The following ZNF438 variants were observed in gnomAD, a reference collection of about 807,000 sequenced individuals.
ZNF438 encodes the protein zinc finger protein 438.
In ZNF438, 25 loss-of-function variants were observed where a neutral mutation model predicts 38.0. The observed-to-expected ratio is 0.66, with a 90% CI of 0.48 to 0.92. ZNF438 has a LOEUF of 0.92. Among genes scored for constraint, ZNF438 ranks in the 40% least tolerant of loss-of-function variants. The probability of loss-of-function intolerance (pLI) is 0.00; values close to 1 mark genes in which losing one functional copy is unlikely to be tolerated. For missense variants in ZNF438, 1,007 were observed against 999.6 expected (o/e 1.01, Z -0.10); for synonymous variants, 372 against 364.1 (o/e 1.02, Z -0.25).
chr10:30,875,688 G>A (rs2038304396), intron 4 of ZNF438, among the ~76,000 whole-genome samples: 1 of 152,164 alleles, frequency 6.6e-6, no homozygotes, highest in South Asian at 2.1e-4. Context: ...TTCCCGGCTG[G>A]ATTTTGTGTG....
Position 30,886,760 on chromosome 10 carries a change from T to C in ZNF438, c.-31-9695A>G, listed in dbSNP as rs147064473. ...ATTGTAAAGTTGAAAAATCTTGAGTTGAACTAAGGTACATCAGGGACTGTT... is the reference window on the plus strand; with the variant it reads ...ATTGTAAAGTTGAAAAATCTTGAGTCGAACTAAGGTACATCAGGGACTGTT... On this transcript the variant is annotated intron_variant, in intron 3 of 5. Coordinates refer to ENST00000413025, the Ensembl canonical transcript of ZNF438. Among the ~76,000 whole-genome samples the C allele has an allele frequency of 4.5e-3, 690 of 152,346 alleles. 6 individuals carry two copies. The highest frequency in any genetic ancestry group is 0.016 in the African/African-American group (669 of 41,582).
At chr10:30,848,617 A>C in exon 5 of ZNF438, 1 of 1,614,212 alleles carries the variant, frequency 6.2e-7, no homozygotes, top group Non-Finnish European at 8.5e-7. Flanking sequence ...GCGCAGGCTC[A>C]GTGCTGATCA....
chr10:30,958,097 G>C (rs2049067685), intron 1 of ZNF438, among the ~76,000 whole-genome samples: 1 of 146,432 alleles, frequency 6.8e-6, no homozygotes, highest in East Asian at 1.9e-4. Context: ...CCATTTTTGG[G>C]ACTGAGTCAT....
At chr10:31,003,464 T>C (rs1260483609) in intron 1 of ZNF438, among the ~76,000 whole-genome samples, 1 of 152,168 alleles carries the variant, frequency 6.6e-6, no homozygotes, top group South Asian at 2.1e-4. Context: ...AGTTCTGGCT[T>C]GGAGGAACCC....
At chr10:30,916,457 T>C (rs2043646893) in intron 2 of ZNF438, among the ~76,000 whole-genome samples, 1 of 152,014 alleles carries the variant, frequency 6.6e-6, no homozygotes, top group Admixed American at 6.6e-5. Context: ...AACTTTGAAG[T>C]CCCCTTTATG....
At chr10:30,860,186 G>A (rs870166) in intron 4 of ZNF438, among the ~76,000 whole-genome samples, 58,228 of 152,036 alleles carry the variant, frequency 0.38, 11,449 homozygotes, top group Admixed American at 0.41. Context: ...ATTCCAGAGA[G>A]GGTCCTGCCT....
At chr10:30,923,075 G>T (rs1486828957) in intron 2 of ZNF438, among the ~76,000 whole-genome samples, 1 of 152,166 alleles carries the variant, frequency 6.6e-6, no homozygotes, top group Non-Finnish European at 1.5e-5. Context: ...GTGATTTCCA[G>T]TCCTTTGCTT....
chr10:30,983,716 A>T (rs2052473042), intron 1 of ZNF438, among the ~76,000 whole-genome samples: 1 of 152,176 alleles, frequency 6.6e-6, no homozygotes, highest in African/African-American at 2.4e-5. Context: ...TGGATTTTTC[A>T]AATTATTTTT....
At chr10:30,997,796 G>A (rs905486627) in intron 1 of ZNF438, among the ~76,000 whole-genome samples, 1 of 152,102 alleles carries the variant, frequency 6.6e-6, no homozygotes, top group Non-Finnish European at 1.5e-5. Flanking sequence ...TTACAGTCAT[G>A]GGTGCTTTGA....
intron 5 of ZNF438, 137 bp from the exon 7 acceptor site, chr10:30,845,710 C>T (rs1324949903): frequency 2.2e-5 from 22 of 982,516 alleles, no homozygotes; most frequent in East Asian, 2.6e-5. Context: ...ACAGAGAGCA[C>T]CTGGGAAGAC....
intron 1 of ZNF438, among the ~76,000 whole-genome samples, chr10:31,021,944 T>C (rs1203696790): frequency 6.6e-6 from 1 of 152,242 alleles, no homozygotes; most frequent in African/African-American, 2.4e-5. Flanking sequence ...TTGACCATTC[T>C]ACGGTCGTTT....
At position 30,860,679 on chromosome 10, in the gene ZNF438, T is replaced by C. The variant is rs143543631; in HGVS notation, c.38-10312A>G. On this transcript the variant is annotated intron_variant, in intron 4 of 5. Transcript: ENST00000413025. ...CTCCCACTTGCCCTTCTGTAAATTT[T>C]TGTATCCCAGTTGATAAAGTGCTAA... Among the ~76,000 whole-genome samples, 8 of 152,344 alleles carry C rather than the reference T, an allele frequency of 5.3e-5. No homozygotes were observed. In the East Asian group the frequency reaches 1.5e-3, roughly 29 times the overall value.
chr10:30,992,118 T>G (rs2053565239), intron 1 of ZNF438, among the ~76,000 whole-genome samples: 1 of 152,196 alleles, frequency 6.6e-6, no homozygotes, highest in Non-Finnish European at 1.5e-5. Context: ...GCAAGACCCT[T>G]GCCAGATGTT....
chr10:30,974,535 G>C (rs912037170), intron 1 of ZNF438, among the ~76,000 whole-genome samples: 1 of 152,166 alleles, frequency 6.6e-6, no homozygotes. Flanking sequence ...TCTAGTACCA[G>C]ATTATTTCCA....
At chr10:30,948,021 G>A (rs2047654548) in intron 1 of ZNF438, among the ~76,000 whole-genome samples, 2 of 149,842 alleles carry the variant, frequency 1.3e-5, no homozygotes, top group South Asian at 4.3e-4. Flanking sequence ...TTCCTATTCG[G>A]CCATCTTGGC....
chr10:30,897,597 A>G (rs1028802414), intron 3 of ZNF438, among the ~76,000 whole-genome samples: 1 of 152,242 alleles, frequency 6.6e-6, no homozygotes. Flanking sequence ...GCTGGCCTGA[A>G]AACAGCAGGT....
chr10:30,846,843 C>A (rs2032266955), intron 5 of ZNF438, among the ~76,000 whole-genome samples: 1 of 152,216 alleles, frequency 6.6e-6, no homozygotes, highest in Non-Finnish European at 1.5e-5. Context: ...CTCCTGCTGC[C>A]TGGCTTCTCC....
intron 3 of ZNF438, among the ~76,000 whole-genome samples, chr10:30,887,895 T>C (rs2040171476): frequency 6.6e-6 from 1 of 152,198 alleles, no homozygotes; most frequent in Non-Finnish European, 1.5e-5. Flanking sequence ...TTAGTTTTGC[T>C]TGTCCTAGAA....
chr10:30,919,145 T>C (rs1026841724), intron 2 of ZNF438: 1 of 152,190 alleles, frequency 6.6e-6, no homozygotes, highest in Non-Finnish European at 1.5e-5. Context: ...TGTGGCTCCT[T>C]TTCTTCCTTC....
Sources: gnomAD v4.1 joint callset for allele counts (sites outside exome capture counted in the v4.1 genomes callset) on GRCh38, gnomAD v4.1.1 for gene constraint, MANE v1.5 for transcripts, NCBI Gene and HGNC (gene_info 2026-07-23, HGNC 2026-07-21) for gene names.